The following CRYBG3 variants were observed in gnomAD, a reference collection of about 807,000 sequenced individuals.
CRYBG3 encodes the protein crystallin beta-gamma domain containing 3, also known as very large A-kinase anchor protein.
CRYBG3 carries 127 observed loss-of-function variants against 244.2 expected under a neutral mutation model. The observed-to-expected ratio is 0.52, with a 90% confidence interval of 0.45 to 0.60. The LOEUF (loss-of-function observed/expected upper bound fraction) is 0.60, where lower values mean the gene tolerates loss of function less well. Ranked by LOEUF, CRYBG3 falls within the 20% of genes least tolerant of loss-of-function variation. The pLI is 0.00. For missense variants in CRYBG3, 3,325 were observed against 3,442.5 expected (o/e 0.97, Z 0.85); for synonymous variants, 1,132 against 1,195.8 (o/e 0.95, Z 1.10).
intron 11 of CRYBG3, among the ~76,000 whole-genome samples, chr3:97,893,573 C>G (rs2039605909): frequency 6.6e-6 from 1 of 152,240 alleles, no homozygotes; most frequent in African/African-American, 2.4e-5. Flanking sequence ...TGTGATGGGC[C>G]TGGGATGTAC....
chr3:97,936,085 T>G (rs1200642575), intron 18 of CRYBG3, among the ~76,000 whole-genome samples: 1 of 152,108 alleles, frequency 6.6e-6, no homozygotes, highest in African/African-American at 2.4e-5. Context: ...CTTTTCAGTT[T>G]GTGGGTCATC....
chr3:97,875,488 T>C lies in CRYBG3; in HGVS notation c.4294T>C (p.Ser1432Pro), dbSNP rs1559728878. 7.7e-7 allele frequency: 1 copy of C among 1,300,346 alleles called. No homozygotes were observed. The highest frequency in any genetic ancestry group is 9.7e-7 in the Non-Finnish European group (1 of 1,030,666). The allele number at this position is 1,300,346 out of a possible 1,614,324, so 80.6% of individuals were successfully genotyped here. Residue 1432 changes from serine to proline, a missense_variant, in exon 4 of 22, where the codon TCA (serine) becomes CCA (proline). By Grantham distance (74) the Ser-to-Pro change is moderately conservative. This residue lies in a region of CRYBG3 where 635 missense variants were observed against 771.7 expected (regional missense o/e 0.82). Transcript: ENST00000389622. Reference protein sequence around the residue: ...SDTVLLAEDMSHKRLDDRVKT... With the variant: ...SDTVLLAEDMPHKRLDDRVKT... ...TACGGTTTTACTAGCTGAAGACATGTCACATAAACGGTTAGATGATAGGGT... is the reference window on the plus strand; with the variant it reads ...TACGGTTTTACTAGCTGAAGACATGCCACATAAACGGTTAGATGATAGGGT...
Position 97,877,285 on chromosome 3 carries a change from G to T in CRYBG3, c.6091G>T (p.Ala2031Ser), listed in dbSNP as rs373788515. ...TQSVLFHDTS[A>S]DSMPVLACER... ...GTCTGTCTTGTTTCATGATACGTCC[G>T]CTGACAGCATGCCTGTTCTGGCATG... Residue 2031 changes from alanine to serine, a missense_variant, in exon 4 of 22, where the codon GCT becomes TCT. Ala to Ser is a moderately conservative substitution (Grantham distance 99, BLOSUM62 1). Coordinates refer to ENST00000389622, the MANE Select transcript of CRYBG3 (RefSeq NM_153605.4). 6.2e-7 allele frequency: 1 copy of T among 1,614,044 alleles called. No homozygotes were observed. Among genetic ancestry groups the T allele is most frequent in the Admixed American group, 1.7e-5 (1 of 60,002 alleles).
rs745450545 is a variant in CRYBG3 at position 97,936,926 on chromosome 3, A to T, written c.8505+18A>T. ...TGAAGCAGGTAAGGAGAAAAGAACC[A>T]TAAGATTCCAAATAGCTTGCTTTTG... On this transcript the variant is annotated intron_variant, in intron 19 of 21. Coordinates refer to ENST00000389622, the MANE Select transcript of CRYBG3 (RefSeq NM_153605.4). The T allele has an allele frequency of 6.2e-7, 1 of 1,606,302 alleles. No individual in the cohort carries two copies. The highest frequency in any genetic ancestry group is 8.5e-7 in the Non-Finnish European group (1 of 1,177,200).
At chr3:97,936,682 A>G in intron 18 of CRYBG3, 103 bp from the exon 19 acceptor site, 1 of 1,209,266 alleles carries the variant, frequency 8.3e-7, no homozygotes, top group East Asian at 2.4e-5. Flanking sequence ...AAGTCTGCAA[A>G]CCTAGAAGTT....
intron 1 of CRYBG3, among the ~76,000 whole-genome samples, chr3:97,839,073 G>A (rs901215706): frequency 7.9e-5 from 12 of 152,042 alleles, no homozygotes; most frequent in African/African-American, 1.4e-4. Context: ...TTATTTGTGC[G>A]TACATGTGAT....
chr3:97,824,186 C>T (rs2038548505), intron 1 of CRYBG3, among the ~76,000 whole-genome samples: 1 of 152,086 alleles, frequency 6.6e-6, no homozygotes. Flanking sequence ...TTTAATAAAA[C>T]AAATGGAACC....
In CRYBG3 at chr3:97,888,375, C is replaced by A; in HGVS notation, c.7324C>A (p.Gln2442Lys). The A allele has an allele frequency of 1.2e-6, 2 of 1,612,064 alleles. No homozygotes were observed. The highest frequency in any genetic ancestry group is 1.7e-6 in the Non-Finnish European group (2 of 1,178,678). ...CTACCCAGATATTAATTTTAAGGGA[C>A]AAGCTACAGTTCTGGAGGAAGACCA... ...LAYPDINFKG[Q>K]ATVLEEDHGL... The change falls in exon 9 of 22, where the codon CAA becomes AAA. Residue 2442 changes from glutamine (Q) to lysine (K), a missense_variant. This residue lies in a region of CRYBG3 where 714 missense variants were observed against 803.6 expected (regional missense o/e 0.89). Transcript: ENST00000389622.
At chr3:97,832,207 C>A (rs2038663327) in intron 1 of CRYBG3, among the ~76,000 whole-genome samples, 1 of 138,554 alleles carries the variant, frequency 7.2e-6, no homozygotes, top group African/African-American at 2.7e-5. Context: ...AAAAAAAATA[C>A]TTTAAATTTC....
At chr3:97,885,420 C>A (rs2039496575) in intron 7 of CRYBG3, among the ~76,000 whole-genome samples, 1 of 152,126 alleles carries the variant, frequency 6.6e-6, no homozygotes, top group African/African-American at 2.4e-5. Context: ...TTGAATCTCA[C>A]AGTGTCATAG....
At chr3:97,939,651 C>T (rs188173476) in intron 19 of CRYBG3, among the ~76,000 whole-genome samples, 52 of 152,092 alleles carry the variant, frequency 3.4e-4, no homozygotes, top group Admixed American at 3.0e-3. Flanking sequence ...GTGAAGGTCA[C>T]GCCTGTTTTC....
At chr3:97,925,558 T>A (rs1334853922) in intron 17 of CRYBG3, among the ~76,000 whole-genome samples, 3 of 151,972 alleles carry the variant, frequency 2.0e-5, no homozygotes, top group African/African-American at 7.2e-5. Context: ...TCAAACACAG[T>A]AGGCAAGGAA....
chr3:97,831,011 A>G (rs1245579209), intron 1 of CRYBG3, among the ~76,000 whole-genome samples: 2 of 152,198 alleles, frequency 1.3e-5, no homozygotes, highest in Admixed American at 1.3e-4. Flanking sequence ...TGAGTTCACT[A>G]AGAAATCAAC....
At chr3:97,825,139 A>G (rs1243361570) in intron 1 of CRYBG3, among the ~76,000 whole-genome samples, 1 of 152,216 alleles carries the variant, frequency 6.6e-6, no homozygotes, top group Non-Finnish European at 1.5e-5. Flanking sequence ...TGAAAGGAGC[A>G]GTAAGAAATT....
chr3:97,875,761 G>A lies in CRYBG3; in HGVS notation c.4567G>A (p.Gly1523Arg). Reference sequence around the variant, plus strand: ...CACACCTCTTGCAATGTCAGATGTAGGGAAAGTACACAAGAAGGATAATGA... The same window carrying A: ...CACACCTCTTGCAATGTCAGATGTAAGGAAAGTACACAAGAAGGATAATGA... ...KNTPLAMSDV[G>R]KVHKKDNEIN... The change falls in exon 4 of 22, where the codon GGG (glycine) becomes AGG (arginine). Residue 1523 changes from glycine to arginine, a missense_variant. Around this residue, in one of 4 missense-constraint regions of CRYBG3, gnomAD observed 635 missense variants for 771.7 expected, o/e 0.82. Transcript: ENST00000389622. 8.1e-7 allele frequency: 1 copy of A among 1,231,986 alleles called. No homozygotes were observed. The highest frequency in any genetic ancestry group is 1.0e-6 in the Non-Finnish European group (1 of 987,892). The allele number at this position is 1,231,986 out of a possible 1,614,324, so 76.3% of individuals were successfully genotyped here.
At chr3:97,937,470 C>T (rs982433335) in intron 19 of CRYBG3, among the ~76,000 whole-genome samples, 1 of 152,040 alleles carries the variant, frequency 6.6e-6, no homozygotes, top group African/African-American at 2.4e-5. Flanking sequence ...ATGGGCTGCA[C>T]CCTCTGTATC....
chr3:97,886,542 G>C lies in CRYBG3; in HGVS notation c.7153-89G>C, dbSNP rs1378337928. The C allele has an allele frequency of 5.7e-6, 5 of 882,794 alleles. No homozygotes were observed. In the East Asian group the frequency reaches 1.4e-4, roughly 25 times the overall value. The allele number at this position is 882,794 out of a possible 1,614,324, so 54.7% of individuals were successfully genotyped here. A position where few individuals can be genotyped will look rare whatever the true frequency, so the allele number is the denominator to read the frequency against. On this transcript the variant is annotated intron_variant, in intron 7 of 21. Coordinates refer to ENST00000389622, the MANE Select transcript of CRYBG3 (RefSeq NM_153605.4). ...GTGAAGAAATTCAACTCAATAATGA[G>C]AACAGTGTAACTGTATGTCCAGGAC...
intron 11 of CRYBG3, among the ~76,000 whole-genome samples, chr3:97,894,237 T>C (rs2039614128): frequency 6.6e-6 from 1 of 152,232 alleles, no homozygotes; most frequent in Admixed American, 6.5e-5. Context: ...CACAGAAAAT[T>C]ATCTGCTAAA....
At chr3:97,828,571 A>T (rs1053110997) in intron 1 of CRYBG3, among the ~76,000 whole-genome samples, 9 of 151,476 alleles carry the variant, frequency 5.9e-5, no homozygotes, top group Non-Finnish European at 1.0e-4. Flanking sequence ...TCATGCCTGT[A>T]ATCCCAGCAC....
Sources: allele counts gnomAD v4.1 joint callset (sites outside exome capture counted in the v4.1 genomes callset), GRCh38; gene constraint gnomAD v4.1.1; regional missense constraint gnomAD v4.1.1; transcripts MANE v1.5; gene names NCBI Gene and HGNC (gene_info 2026-07-23, HGNC 2026-07-21).